The following CAMK2G variants were observed in gnomAD, a reference collection of about 807,000 sequenced individuals.
The protein encoded by CAMK2G is calcium/calmodulin dependent protein kinase II gamma.
In CAMK2G, 23 loss-of-function variants were observed where a neutral mutation model predicts 88.7. That is an observed-to-expected ratio of 0.26 (90% confidence interval 0.19 to 0.37). The LOEUF (loss-of-function observed/expected upper bound fraction) is 0.37. Ranked by LOEUF, CAMK2G falls within the 10% of genes least tolerant of loss-of-function variation. The probability of loss-of-function intolerance (pLI) is 1.00; values close to 1 mark genes in which losing one functional copy is unlikely to be tolerated. For missense variants in CAMK2G, 476 were observed against 780.8 expected, an observed-to-expected ratio of 0.61 and a Z score of 4.65; for synonymous variants, 263 against 294.8, an observed-to-expected ratio of 0.89 and a Z score of 1.11.
chr10:73,853,357 C>A, intron 3 of CAMK2G, 111 bp from the exon 4 acceptor site: 1 of 920,184 alleles, frequency 1.1e-6, no homozygotes, highest in South Asian at 1.4e-5. Context: ...ACAGGGCTCT[C>A]CAGAAGGAGC....
At chr10:73,818,032 C>T (rs1266206313) in intron 19 of CAMK2G, among the ~76,000 whole-genome samples, 2 of 152,176 alleles carry the variant, frequency 1.3e-5, no homozygotes, top group African/African-American at 4.8e-5. Flanking sequence ...AGGACCCAGC[C>T]CTGGGTGACA....
chr10:73,870,274 A>G (rs529382202), intron 2 of CAMK2G, among the ~76,000 whole-genome samples: 19 of 152,312 alleles, frequency 1.2e-4, no homozygotes, highest in Admixed American at 3.9e-4. Flanking sequence ...GGCTCCCTTA[A>G]GAGCCCAGCT....
Position 73,874,380 on chromosome 10 carries a change from C to T in CAMK2G, c.65+17G>A, listed in dbSNP as rs1287152694. The T allele has an allele frequency of 1.4e-6, 2 of 1,472,994 alleles. No individual in the cohort carries two copies. The highest frequency in any genetic ancestry group is 1.8e-6 in the Non-Finnish European group (2 of 1,099,210). The allele number at this position is 1,472,994 out of a possible 1,614,324, so 91.2% of individuals were successfully genotyped here. A position where few individuals can be genotyped will look rare whatever the true frequency, so the allele number is the denominator to read the frequency against. ...GGGCGGCAGGGCAGGCAGGGGACCG[C>T]GGCGGGCGGGCCGTACTTGCCAAGC... On this transcript the variant is annotated intron_variant, in intron 1 of 22. Transcript: ENST00000423381.
In CAMK2G at chr10:73,873,037, G is replaced by C. The variant is rs756291683; in HGVS notation, c.112C>G (p.Gln38Glu). The change falls in exon 2 of 23, where the codon CAG becomes GAG. Residue 38 changes from glutamine to glutamate, a missense_variant. By Grantham distance (29) the Gln-to-Glu change is conservative (BLOSUM62 2). Around this residue, in one of 3 missense-constraint regions of CAMK2G, gnomAD observed 164 missense variants for 385.6 expected, o/e 0.43. Transcript: ENST00000423381. Reference sequence around the variant, plus strand: ...TTGATGATTTTTGCTGCGTACTCCTGCGTGGAGGTTTTCTTCACACACCTG... The same window carrying C: ...TTGATGATTTTTGCTGCGTACTCCTCCGTGGAGGTTTTCTTCACACACCTG... ...VRRCVKKTSTQEYAAKIINTK... is the reference protein window; with the variant it reads ...VRRCVKKTSTEEYAAKIINTK... 1.9e-6 allele frequency: 3 copies of C among 1,613,768 alleles called. No individual in the cohort carries two copies.
At chr10:73,816,289 G>C (rs1221118442) in intron 21 of CAMK2G, 5 of 989,310 alleles carry the variant, frequency 5.1e-6, no homozygotes, top group African/African-American at 1.7e-5. Flanking sequence ...CACAACTTCC[G>C]ATCTCGCAAA....
intron 17 of CAMK2G, 86 bp downstream of exon 17, chr10:73,823,954 A>C: frequency 9.8e-7 from 1 of 1,022,684 alleles, no homozygotes; most frequent in South Asian, 1.3e-5. Flanking sequence ...CCTTGGCCTC[A>C]GGGTGCAGCC....
Position 73,852,336 on chromosome 10 carries a change from G to A in CAMK2G, c.276-17C>T, listed in dbSNP as rs1364713573. 1 of 1,612,230 alleles carries A rather than the reference G, an allele frequency of 6.2e-7. No homozygotes were observed. The highest frequency in any genetic ancestry group is 8.5e-7 in the Non-Finnish European group (1 of 1,178,256). On this transcript the variant is annotated splice_polypyrimidine_tract_variant and intron_variant, in intron 4 of 22. Coordinates refer to ENST00000423381, the MANE Select transcript of CAMK2G (RefSeq NM_001367534.1). The stretch of plus-strand genomic sequence containing the variant: ...CCGGTAACACTGCAACCAACGGGAA[G>A]AAGAGGGTCAGAGGCAGAAAGGGTC...
In CAMK2G at chr10:73,839,418, G is replaced by T; in HGVS notation, c.1009+121C>A. 1 of 460,592 alleles carries T rather than the reference G, an allele frequency of 2.2e-6. No individual in the cohort carries two copies. The highest frequency in any genetic ancestry group is 3.5e-6 in the Non-Finnish European group (1 of 283,468). The allele number at this position is 460,592 out of a possible 1,614,324, so 28.5% of individuals were successfully genotyped here. A position where few individuals can be genotyped will look rare whatever the true frequency, so the allele number is the denominator to read the frequency against. On this transcript the variant is annotated intron_variant, in intron 13 of 22. Transcript: ENST00000423381. The surrounding 1 kb of genome is among the most constrained non-coding windows in gnomAD (Gnocchi z 4.2). ...CCAAGTTAGGTAGTCTGTCTGGCAT[G>T]CCCATCTCAGCCCGCAAGCATGGGA...
intron 2 of CAMK2G, among the ~76,000 whole-genome samples, chr10:73,864,640 T>G (rs1477522661): frequency 1.3e-5 from 2 of 151,770 alleles, no homozygotes; most frequent in Non-Finnish European, 2.9e-5. Context: ...CTTCTTTTGT[T>G]TGTTTTTTTT....
rs1343077186 is a variant in CAMK2G, at chr10:73,813,864, G to T, written c.*654C>A. 2.0e-5 allele frequency: 3 copies of T among 152,736 alleles called. No individual in the cohort carries two copies. Among genetic ancestry groups the T allele is most frequent in the African/African-American group, 7.2e-5 (3 of 41,542 alleles). The allele number at this position is 152,736 out of a possible 1,614,324, so 9.5% of individuals were successfully genotyped here. On this transcript the variant is annotated 3_prime_UTR_variant, in exon 23 of 23. Coordinates refer to ENST00000423381, the MANE Select transcript of CAMK2G (RefSeq NM_001367534.1). ...CTTCCCTTCTACACTAAACAAGACA[G>T]TACAGCAACGTCCGGGCTCTCAGTC...
chr10:73,858,907 A>T (rs2095233284), intron 3 of CAMK2G, among the ~76,000 whole-genome samples: 1 of 152,120 alleles, frequency 6.6e-6, no homozygotes, highest in African/African-American at 2.4e-5. Context: ...TGGCCAACCC[A>T]TCCGTGGTCA....
chr10:73,853,390 C>T, intron 3 of CAMK2G, 144 bp from the exon 4 acceptor site: 1 of 674,048 alleles, frequency 1.5e-6, no homozygotes, highest in Non-Finnish European at 2.6e-6. Context: ...TGGCGACGTG[C>T]CCAGTGCCCC....
At chr10:73,857,869 G>C (rs1229786354) in intron 3 of CAMK2G, among the ~76,000 whole-genome samples, 1 of 152,178 alleles carries the variant, frequency 6.6e-6, no homozygotes, top group East Asian at 1.9e-4. Flanking sequence ...TTGTTTGTTT[G>C]TTTTTAATTA....
Position 73,817,135 on chromosome 10 carries a change from A to G in CAMK2G, c.1440-18T>C, listed in dbSNP as rs1346414680. 6.3e-7 allele frequency: 1 copy of G among 1,588,314 alleles called. No individual in the cohort carries two copies. Among genetic ancestry groups the G allele is most frequent in the Non-Finnish European group, 8.5e-7 (1 of 1,171,560 alleles). On this transcript the variant is annotated intron_variant, in intron 20 of 22. Transcript: ENST00000423381. ...AAATCTTCCTACAGGGAGAAAAAAA[A>G]AAGCAGCCTATCAGGCTTCTATGGA...
chr10:73,858,113 C>A (rs2095171548), intron 3 of CAMK2G, among the ~76,000 whole-genome samples: 1 of 152,350 alleles, frequency 6.6e-6, no homozygotes, highest in East Asian at 1.9e-4. Context: ...ACTCTTCCAA[C>A]AGGCTTTTAA....
At position 73,812,574 on chromosome 10, in the gene CAMK2G, C is replaced by G. The variant is rs2084488629; in HGVS notation, c.*1944G>C. 1 of 152,556 alleles carries G rather than the reference C, an allele frequency of 6.6e-6. No homozygotes were observed. Among genetic ancestry groups the G allele is most frequent in the Admixed American group, 6.5e-5 (1 of 15,272 alleles). The allele number at this position is 152,556 out of a possible 1,614,324, so 9.5% of individuals were successfully genotyped here. ...TGTAACAAAGCTATGAAGGGTCTAC[C>G]AACATTCAGAACAAACACTATTTTT... On this transcript the variant is annotated 3_prime_UTR_variant, in exon 23 of 23. Coordinates refer to ENST00000423381, the MANE Select transcript of CAMK2G (RefSeq NM_001367534.1).
chr10:73,869,835 A>G (rs1408038210), intron 2 of CAMK2G, among the ~76,000 whole-genome samples: 4 of 152,234 alleles, frequency 2.6e-5, no homozygotes, highest in African/African-American at 4.8e-5. Flanking sequence ...TCTCTTAGTA[A>G]GGCCAAGGGC....
At chr10:73,856,742 A>ACTG (rs1413946923) in intron 3 of CAMK2G, among the ~76,000 whole-genome samples, 1 of 152,236 alleles carries the variant, frequency 6.6e-6, no homozygotes, top group African/African-American at 2.4e-5. Context: ...TAAAGCATTT[A>ACTG]CTGCATTTCA....
rs1590827716 is a variant in CAMK2G, at chr10:73,849,151, A to G, written c.415-36T>C. On this transcript the variant is annotated intron_variant, in intron 6 of 22. Transcript: ENST00000423381. ...AACACAGAGAACCTTGTGAGCACCCACCCTGCAGCCCAGAGGAAGCCTAGT... is the reference window on the plus strand; with the variant it reads ...AACACAGAGAACCTTGTGAGCACCCGCCCTGCAGCCCAGAGGAAGCCTAGT... The G allele has an allele frequency of 6.9e-6, 11 of 1,588,598 alleles. No individual in the cohort carries two copies. In the East Asian group the frequency reaches 2.5e-4, roughly 36 times the overall value.
Sources: allele counts gnomAD v4.1 joint callset (sites outside exome capture counted in the v4.1 genomes callset), GRCh38; gene constraint gnomAD v4.1.1; regional missense constraint gnomAD v4.1.1; non-coding constraint Gnocchi (gnomAD v3.1); transcripts MANE v1.5; gene names NCBI Gene and HGNC (gene_info 2026-07-23, HGNC 2026-07-21).